Variants in CEP120 observed in about 807,000 individuals in gnomAD.
CEP120 encodes the protein centrosomal protein of 120 kDa.
Under a neutral mutation model 126.5 loss-of-function variants are expected in CEP120, and 113 were observed. The ratio of observed to expected loss-of-function variants is 0.89; its 90% CI spans 0.77 to 1.04. The LOEUF (loss-of-function observed/expected upper bound fraction) is 1.04. Ranked by LOEUF, CEP120 falls within the 50% of genes least tolerant of loss-of-function variation. The pLI, the probability that CEP120 is intolerant of heterozygous loss-of-function variation, is 0.00. For synonymous variants in CEP120, 400 were observed against 394.3 expected (o/e 1.01, Z -0.17); for missense variants, 1,230 against 1,155.7 (o/e 1.06, Z -0.93).
intron 19 of CEP120, among the ~76,000 whole-genome samples, chr5:123,347,713 A>G (rs1441379747): frequency 6.6e-6 from 1 of 152,096 alleles, no homozygotes; most frequent in East Asian, 1.9e-4. Context: ...TGGTGTGATC[A>G]CAACTCACTG....
chr5:123,417,958 TA>T (rs1169744482), intron 2 of CEP120, among the ~76,000 whole-genome samples: 1 of 152,122 alleles, frequency 6.6e-6, no homozygotes, highest in African/African-American at 2.4e-5. Context: ...CTGTCACATT[TA>T]AAAAAACACT....
intron 18 of CEP120, among the ~76,000 whole-genome samples, chr5:123,354,300 G>C (rs189267738): frequency 6.6e-6 from 1 of 152,046 alleles, no homozygotes; most frequent in Non-Finnish European, 1.5e-5. Context: ...AATGTGTTGA[G>C]AATTGTAGTT....
At chr5:123,382,689 T>G (rs373855149) in intron 13 of CEP120, 48 bp downstream of exon 13, 8 of 1,544,066 alleles carry the variant, frequency 5.2e-6, no homozygotes, top group Non-Finnish European at 7.0e-6. Context: ...AGGAAAAATA[T>G]ACAGAGCAGA....
At chr5:123,350,698 C>A (rs1769145478) in intron 18 of CEP120, among the ~76,000 whole-genome samples, 2 of 152,308 alleles carry the variant, frequency 1.3e-5, no homozygotes, top group Admixed American at 6.5e-5. Context: ...GTAAATATGC[C>A]TTTCCACTCT....
chr5:123,423,310 A>C lies in CEP120; in HGVS notation c.-312T>G. 213 of 331,400 alleles carry C rather than the reference A, an allele frequency of 6.4e-4. No homozygotes were observed. Among genetic ancestry groups the C allele is most frequent in the East Asian group, 1.2e-3 (19 of 16,470 alleles). The allele number at this position is 331,400 out of a possible 1,614,324, so 20.5% of individuals were successfully genotyped here. A position where few individuals can be genotyped will look rare whatever the true frequency, so the allele number is the denominator to read the frequency against. On this transcript the variant is annotated 5_prime_UTR_variant, in exon 1 of 20. Coordinates refer to ENST00000306467, the MANE Select transcript of CEP120 (RefSeq NM_001375405.1). ...TGCCGCCTGCGTAGCCGCTTTTCAA[A>C]CGCCCGGGCGGCCGCAGCGGCCGCC...
chr5:123,388,365 A>G (rs901548804), intron 9 of CEP120, 67 bp downstream of exon 9: 12 of 1,119,222 alleles, frequency 1.1e-5, no homozygotes, highest in Middle Eastern at 2.7e-4. Context: ...TCTCTCTGCA[A>G]TTCCCCAAAC....
chr5:123,388,516 G>C lies in CEP120; in HGVS notation c.1346C>G (p.Ala449Gly), dbSNP rs760398173. 6.2e-7 allele frequency: 1 copy of C among 1,610,714 alleles called. No homozygotes were observed. Among genetic ancestry groups the C allele is most frequent in the Non-Finnish European group, 8.5e-7 (1 of 1,178,858 alleles). Residue 449 changes from alanine to glycine, a missense_variant, in exon 9 of 20, where the codon GCA becomes GGA. Ala to Gly is a moderately conservative substitution (Grantham distance 60, BLOSUM62 0). Coordinates refer to ENST00000306467, the MANE Select transcript of CEP120 (RefSeq NM_001375405.1). Reference protein sequence around the residue: ...VASGQKIAVPATSHHFCFSID... With the variant: ...VASGQKIAVPGTSHHFCFSID... The stretch of plus-strand genomic sequence containing the variant: ...TGAAAAGCAAAAATGATGTGATGTT[G>C]CTGGTACAGCAATCTTCTGTCCTGA...
chr5:123,382,493 G>A (rs1323202213), intron 13 of CEP120, among the ~76,000 whole-genome samples: 1 of 152,070 alleles, frequency 6.6e-6, no homozygotes, highest in Admixed American at 6.6e-5. Context: ...GAAATTTAAA[G>A]AGTAACTTCC....
At chr5:123,357,223 C>G (rs1473018976) in intron 18 of CEP120, among the ~76,000 whole-genome samples, 3 of 151,954 alleles carry the variant, frequency 2.0e-5, no homozygotes, top group Non-Finnish European at 4.4e-5. Context: ...TTTTTCTTTG[C>G]TTTTTGTCAA....
In CEP120 at chr5:123,423,380, G is replaced by A. The variant is rs182468073; in HGVS notation, c.-382C>T. ...TAGCAACCAGGCCCGCAGGCCCAGT[G>A]CCCAGGGGAGGTTGGAGGACAACGG... On this transcript the variant is annotated 5_prime_UTR_variant, in exon 1 of 20. Coordinates refer to ENST00000306467, the MANE Select transcript of CEP120 (RefSeq NM_001375405.1). 2.4e-4 allele frequency: 69 copies of A among 293,138 alleles called. 1 individual carries two copies. In the Admixed American group the frequency reaches 2.6e-3, roughly 11 times the overall value. The allele number at this position is 293,138 out of a possible 1,614,324, so 18.2% of individuals were successfully genotyped here.
chr5:123,394,421 T>C (rs778174699), intron 5 of CEP120, among the ~76,000 whole-genome samples: 2 of 152,168 alleles, frequency 1.3e-5, no homozygotes, highest in African/African-American at 2.4e-5. Context: ...ACATGTGTAG[T>C]TGACAATAAG....
chr5:123,352,643 T>A (rs1769268275), intron 18 of CEP120, among the ~76,000 whole-genome samples: 1 of 152,084 alleles, frequency 6.6e-6, no homozygotes, highest in South Asian at 2.1e-4. Flanking sequence ...ATTTGCTTAT[T>A]CTTCAAAATG....
chr5:123,377,612 A>T (rs1307413999), intron 15 of CEP120, 77 bp from the exon 16 acceptor site: 8 of 1,085,168 alleles, frequency 7.4e-6, no homozygotes, highest in Non-Finnish European at 1.0e-5. Flanking sequence ...ATATCTTTCT[A>T]TACACTCAAA....
chr5:123,393,373 T>G lies in CEP120; in HGVS notation c.737A>C (p.Glu246Ala). The G allele has an allele frequency of 6.2e-7, 1 of 1,614,184 alleles. No homozygotes were observed. Among genetic ancestry groups the G allele is most frequent in the East Asian group, 2.2e-5 (1 of 44,868 alleles). The change falls in exon 6 of 20, where the codon GAG becomes GCG. Residue 246 changes from glutamate (E) to alanine (A), a missense_variant. Coordinates refer to ENST00000306467, the MANE Select transcript of CEP120 (RefSeq NM_001375405.1). ...GCTACGGATGCGAACTGATGCTCTC[T>G]CTGGCTCAAAGTTTGGGTTGATTAA... is the stretch of plus-strand genomic sequence containing the variant. ...NDLINPNFEP[E>A]RASVRIRSSV...
chr5:123,353,935 A>G (rs1000261120), intron 18 of CEP120, among the ~76,000 whole-genome samples: 4 of 151,818 alleles, frequency 2.6e-5, no homozygotes, highest in African/African-American at 9.7e-5. Flanking sequence ...CCCCCATTTC[A>G]TTAATTCTAT....
intron 18 of CEP120, among the ~76,000 whole-genome samples, chr5:123,356,992 T>C (rs991885698): frequency 1.3e-5 from 2 of 152,126 alleles, no homozygotes; most frequent in Non-Finnish European, 2.9e-5. Context: ...CCATGACAAA[T>C]TCTGCCAATT....
chr5:123,359,787 A>C (rs919395029), intron 18 of CEP120, among the ~76,000 whole-genome samples: 1 of 151,982 alleles, frequency 6.6e-6, no homozygotes, highest in Non-Finnish European at 1.5e-5. Context: ...TTTCTAAATA[A>C]TTAGAAGGTT....
intron 4 of CEP120, among the ~76,000 whole-genome samples, chr5:123,409,373 T>C (rs955692941): frequency 6.6e-6 from 1 of 152,202 alleles, no homozygotes; most frequent in Admixed American, 6.5e-5. Flanking sequence ...AAGACAAGGA[T>C]GTCCCCTCTC....
intron 17 of CEP120, among the ~76,000 whole-genome samples, chr5:123,370,613 G>A (rs1770784194): frequency 6.6e-6 from 1 of 151,072 alleles, no homozygotes; most frequent in South Asian, 2.1e-4. Flanking sequence ...GAGTAGCTGG[G>A]ACAACAGGTA....
Sources: allele counts gnomAD v4.1 joint callset (sites outside exome capture counted in the v4.1 genomes callset), GRCh38; gene constraint gnomAD v4.1.1; transcripts MANE v1.5; gene names NCBI Gene and HGNC (gene_info 2026-07-23, HGNC 2026-07-21).